Variants in ZNF648 observed in about 807,000 individuals in gnomAD.
ZNF648 encodes the protein zinc finger protein 648.
In ZNF648, 1 loss-of-function variant was observed where a neutral mutation model predicts 0.3. That is an observed-to-expected ratio of 3.90 (90% CI 1.39 to 18.51). The LOEUF (loss-of-function observed/expected upper bound fraction) is 18.51. Ranked by LOEUF, ZNF648 falls within the 30% of genes most tolerant of loss-of-function variation. The probability of loss-of-function intolerance (pLI) is 0.11; values close to 1 mark genes in which losing one functional copy is unlikely to be tolerated. For missense variants in ZNF648, 874 were observed against 769.7 expected (o/e 1.14, Z -1.60); for synonymous variants, 376 against 326.8 (o/e 1.15, Z -1.62).
chr1:182,057,456 C>T lies in ZNF648; in HGVS notation c.555G>A (p.Gly185=). Residue 185 remains glycine, a synonymous_variant, in exon 2 of 2, where the codon GGG becomes GGA. Transcript: ENST00000339948. ...TGGGGAAACACAACAGAGAAGAGTT[C>T]CCTGCGGACGTGTCTACACTTTTGT... ...CAHKSVDTSA[G]NSSLLCFPRP... The T allele has an allele frequency of 6.2e-7, 1 of 1,614,222 alleles. No homozygotes were observed. The highest frequency in any genetic ancestry group is 1.1e-5 in the South Asian group (1 of 91,084).
chr1:182,062,493 T>C (rs1666044822), upstream of ZNF648, among the ~76,000 whole-genome samples: 1 of 152,214 alleles, frequency 6.6e-6, no homozygotes, highest in Non-Finnish European at 1.5e-5. Context: ...TGAATCTTAC[T>C]ACTTACTAGC....
the ZNF648 span, among the ~76,000 whole-genome samples, chr1:182,066,731 GA>G: frequency 6.6e-6 from 1 of 152,168 alleles, no homozygotes; most frequent in Non-Finnish European, 1.5e-5. Flanking sequence ...ATAATTTCAT[GA>G]TAGGGTTGTA....
chr1:182,060,872 C>T (rs953516298), intron 1 of ZNF648, among the ~76,000 whole-genome samples: 1 of 152,180 alleles, frequency 6.6e-6, no homozygotes, highest in African/African-American at 2.4e-5. Flanking sequence ...TTCTGTGGCA[C>T]TGTTCACAGA....
At position 182,057,528 on chromosome 1, in the gene ZNF648, C is replaced by G; in HGVS notation, c.483G>C (p.Leu161Phe). The G allele has an allele frequency of 6.2e-7, 1 of 1,614,214 alleles. No homozygotes were observed. The highest frequency in any genetic ancestry group is 8.5e-7 in the Non-Finnish European group (1 of 1,180,052). ...GYSGANQDAVLDVPPSFPSNG... is the reference protein window; with the variant it reads ...GYSGANQDAVFDVPPSFPSNG... Reference sequence around the variant, plus strand: ...TGCTGGGGAAGCTGGGTGGGACATCCAAGACTGCGTCCTGGTTTGCCCCCG... The same window carrying G: ...TGCTGGGGAAGCTGGGTGGGACATCGAAGACTGCGTCCTGGTTTGCCCCCG... Residue 161 changes from leucine (L) to phenylalanine (F), a missense_variant, in exon 2 of 2, where the codon TTG becomes TTC. Coordinates refer to ENST00000339948, the MANE Select transcript of ZNF648 (RefSeq NM_001009992.1).
At chr1:182,065,315 G>A (rs900179239), upstream of ZNF648, among the ~76,000 whole-genome samples, 7 of 152,078 alleles carry the variant, frequency 4.6e-5, no homozygotes, top group African/African-American at 1.7e-4. Context: ...AAGGCTATGT[G>A]ACCTGTGTAT....
At chr1:182,067,164 AG>A in the ZNF648 span, among the ~76,000 whole-genome samples, 12 of 152,218 alleles carry the variant, frequency 7.9e-5, no homozygotes, top group Admixed American at 7.9e-4. Flanking sequence ...CCTGCAGAAC[AG>A]TGCCAGGTAG....
At position 182,058,039 on chromosome 1, in the gene ZNF648, C is replaced by T. The variant is rs749923977; in HGVS notation, c.-29G>A. The T allele has an allele frequency of 6.4e-7, 1 of 1,563,812 alleles. No homozygotes were observed. The highest frequency in any genetic ancestry group is 2.2e-5 in the East Asian group (1 of 44,618). On this transcript the variant is annotated 5_prime_UTR_variant, in exon 2 of 2. Transcript: ENST00000339948. ...GTTCAGGCGCTTCTATTGCCTACTCCTCTGAGGAGGAGTATCCTGCTTGGC... is the reference window on the plus strand; with the variant it reads ...GTTCAGGCGCTTCTATTGCCTACTCTTCTGAGGAGGAGTATCCTGCTTGGC...
chr1:182,067,110 C>T, the ZNF648 span, among the ~76,000 whole-genome samples: 22 of 152,178 alleles, frequency 1.4e-4, no homozygotes, highest in African/African-American at 5.3e-4. Flanking sequence ...GATGGGATGA[C>T]ATTATAAGGC....
At chr1:182,068,264 C>T in the ZNF648 span, 1 of 152,158 alleles carries the variant, frequency 6.6e-6, no homozygotes, top group Non-Finnish European at 1.5e-5. Flanking sequence ...CTCTGTTTTA[C>T]TGGTGTTGAG....
In ZNF648 at chr1:182,056,425, T is replaced by C; in HGVS notation, c.1586A>G (p.Glu529Gly). 1 of 1,614,134 alleles carries C rather than the reference T, an allele frequency of 6.2e-7. No homozygotes were observed. Among genetic ancestry groups the C allele is most frequent in the Non-Finnish European group, 8.5e-7 (1 of 1,180,008 alleles). Residue 529 changes from glutamate (E) to glycine (G), a missense_variant, in exon 2 of 2, where the codon GAG becomes GGG. Coordinates refer to ENST00000339948, the MANE Select transcript of ZNF648 (RefSeq NM_001009992.1). ...LAQHIRMHNG[E>G]RPYQCEDCGQ... ...GCAGTCCTCACACTGGTAGGGCCTC[T>C]CTCCGTTGTGCATTCGTATGTGCTG... is the stretch of plus-strand genomic sequence containing the variant.
rs1461159070 is a variant in ZNF648, at chr1:182,057,319, C to G, written c.692G>C (p.Arg231Thr). The change falls in exon 2 of 2, where the codon AGG becomes ACG. Residue 231 changes from arginine (R) to threonine (T), a missense_variant. Coordinates refer to ENST00000339948, the MANE Select transcript of ZNF648 (RefSeq NM_001009992.1). ...CCGGCCCGCCTGGTTCTGTACTTTC[C>G]TGCTGTTCCGCGCTTTTGCCAGGAC... is the stretch of plus-strand genomic sequence containing the variant. The part of the protein sequence containing the change: ...AAVLAKARNS[R>T]KVQNQAGRRE... The G allele has an allele frequency of 6.2e-7, 1 of 1,606,794 alleles. No homozygotes were observed. Among genetic ancestry groups the G allele is most frequent in the Admixed American group, 1.7e-5 (1 of 59,720 alleles).
chr1:182,060,817 CAT>C (rs1002032100), intron 1 of ZNF648, among the ~76,000 whole-genome samples: 3 of 152,208 alleles, frequency 2.0e-5, no homozygotes, highest in Non-Finnish European at 4.4e-5. Context: ...GTATGAAACA[CAT>C]GTCTTAGGTC....
At position 182,054,844 on chromosome 1, in the gene ZNF648, C is replaced by G. The variant is rs375543780; in HGVS notation, c.*1460G>C. 6.6e-6 allele frequency: 1 copy of G among 152,060 alleles called. No individual in the cohort carries two copies. The highest frequency in any genetic ancestry group is 2.4e-5 in the African/African-American group (1 of 41,328). 9.4% of individuals were successfully genotyped at this position (152,060 alleles called of 1,614,324 possible). On this transcript the variant is annotated 3_prime_UTR_variant, in exon 2 of 2. Coordinates refer to ENST00000339948, the MANE Select transcript of ZNF648 (RefSeq NM_001009992.1). ...ACGGTTACCTTGGTCAAACAAGACA[C>G]AAGACTATCTAGCTATCTAGCTATC...
chr1:182,056,227 G>T lies in ZNF648; in HGVS notation c.*77C>A. 1 of 1,518,954 alleles carries T rather than the reference G, an allele frequency of 6.6e-7. No homozygotes were observed. The highest frequency in any genetic ancestry group is 1.3e-5 in the South Asian group (1 of 77,090). 94.1% of individuals were successfully genotyped at this position (1,518,954 alleles called of 1,614,324 possible). A position where few individuals can be genotyped will look rare whatever the true frequency, so the allele number is the denominator to read the frequency against. On this transcript the variant is annotated 3_prime_UTR_variant, in exon 2 of 2. Coordinates refer to ENST00000339948, the MANE Select transcript of ZNF648 (RefSeq NM_001009992.1). ...CCGCGACCTGCTGGGAGGCGAGGCT[G>T]ACCAGTGAGGCTGGCAATACCATGT...
rs1022473772 is a variant in ZNF648, at chr1:182,057,163, A to G, written c.848T>C (p.Leu283Pro). 1.3e-6 allele frequency: 2 copies of G among 1,597,024 alleles called. No individual in the cohort carries two copies. The highest frequency in any genetic ancestry group is 3.4e-5 in the Admixed American group (2 of 58,856). Residue 283 changes from leucine to proline, a missense_variant, in exon 2 of 2, where the codon CTA becomes CCA. Physicochemically the swap from Leu to Pro is moderately conservative, Grantham distance 98. Transcript: ENST00000339948. ...GGAAKRYACE[L>P]CGKAYSHRGT... ...GCGGTGGGAGTAGGCCTTCCCGCAT[A>G]GCTCGCACGCGTAGCGCTTGGCGGC...
In ZNF648 at chr1:182,056,191, C is replaced by T. The variant is rs578207592; in HGVS notation, c.*113G>A. 22 of 1,350,550 alleles carry T rather than the reference C, an allele frequency of 1.6e-5. No homozygotes were observed. In the African/African-American group the frequency reaches 3.1e-4, roughly 19 times the overall value. 83.7% of individuals were successfully genotyped at this position (1,350,550 alleles called of 1,614,324 possible). A position where few individuals can be genotyped will look rare whatever the true frequency, so the allele number is the denominator to read the frequency against. ...GGGATCAAATAAATAATCAAATGGA[C>T]CACTGATGACCCGCGACCTGCTGGG... On this transcript the variant is annotated 3_prime_UTR_variant, in exon 2 of 2. Coordinates refer to ENST00000339948, the MANE Select transcript of ZNF648 (RefSeq NM_001009992.1).
chr1:182,068,545 C>T, the ZNF648 span, among the ~76,000 whole-genome samples: 1 of 152,192 alleles, frequency 6.6e-6, no homozygotes, highest in Non-Finnish European at 1.5e-5. Context: ...GACTGTATCT[C>T]ATAGTCTGGT....
intron 1 of ZNF648, among the ~76,000 whole-genome samples, chr1:182,060,229 C>G (rs1666008979): frequency 6.6e-6 from 1 of 152,238 alleles, no homozygotes; most frequent in African/African-American, 2.4e-5. Flanking sequence ...TTGCAGAGGC[C>G]ACTGCCTGTG....
chr1:182,058,094 A>C, intron 1 of ZNF648, 21 bp from the exon 2 acceptor site: 1 of 1,476,198 alleles, frequency 6.8e-7, no homozygotes, highest in Non-Finnish European at 9.1e-7. Context: ...AAAAGTACGA[A>C]GAGAAAATCA....
Sources: allele counts gnomAD v4.1 joint callset (sites outside exome capture counted in the v4.1 genomes callset), GRCh38; gene constraint gnomAD v4.1.1; transcripts MANE v1.5; gene names NCBI Gene and HGNC (gene_info 2026-07-23, HGNC 2026-07-21).